Variants in COG6 observed in about 807,000 individuals in gnomAD.
The protein encoded by COG6 is conserved oligomeric Golgi complex subunit 6.
COG6 carries 74 observed loss-of-function variants against 88.8 expected under a neutral mutation model. That is an observed-to-expected ratio of 0.83 (90% CI 0.69 to 1.01). COG6 has a LOEUF of 1.01. Among genes scored for constraint, COG6 ranks in the 50% least tolerant of loss-of-function variants. The pLI is 0.00. For missense variants in COG6, 800 were observed against 797.9 expected (o/e 1.00, Z -0.03); for synonymous variants, 286 against 278.7 (o/e 1.03, Z -0.26).
intron 18 of COG6, among the ~76,000 whole-genome samples, chr13:39,730,987 G>C (rs577138699): frequency 3.5e-4 from 53 of 151,032 alleles, no homozygotes; most frequent in Non-Finnish European, 8.9e-5. Context: ...ACTCCTGGCT[G>C]ATTTTTGTAT....
chr13:39,722,695 T>C lies in COG6; in HGVS notation c.1585-638T>C, dbSNP rs1287979294. The stretch of plus-strand genomic sequence containing the variant: ...CCATCAAGGTAGTTCTCTTCTGTGG[T>C]TTTTATCTCCATTAGCATTAGTTGG... On this transcript the variant is annotated intron_variant, in intron 15 of 18. Transcript: ENST00000455146. 2.6e-5 allele frequency among the ~76,000 whole-genome samples: 4 copies of C among 151,778 alleles called. No individual in the cohort carries two copies. The East Asian group carries it at 7.7e-4, about 29-fold the overall frequency.
At chr13:39,693,257 T>G (rs1877083731) in intron 11 of COG6, among the ~76,000 whole-genome samples, 1 of 151,958 alleles carries the variant, frequency 6.6e-6, no homozygotes, top group Non-Finnish European at 1.5e-5. Flanking sequence ...TTGGAAATTG[T>G]TTTTGTTTTT....
intron 4 of COG6, among the ~76,000 whole-genome samples, chr13:39,672,409 C>T (rs1875705288): frequency 1.3e-5 from 2 of 151,914 alleles, no homozygotes; most frequent in Non-Finnish European, 2.9e-5. Flanking sequence ...AAAGAAAACT[C>T]CTGACCATTA....
intron 17 of COG6, among the ~76,000 whole-genome samples, chr13:39,726,517 T>C (rs961653509): frequency 1.2e-4 from 18 of 151,982 alleles, no homozygotes; most frequent in Non-Finnish European, 1.9e-4. Context: ...TTCACCTTGA[T>C]TGCCCCTATA....
At chr13:39,697,311 T>TC (rs950820267) in intron 12 of COG6, among the ~76,000 whole-genome samples, 14 of 151,682 alleles carry the variant, frequency 9.2e-5, no homozygotes, top group African/African-American at 3.4e-4. Context: ...CCTGGGAAAC[T>TC]CCAATATTTT....
At chr13:39,720,247 A>G (rs1445501057) in intron 15 of COG6, among the ~76,000 whole-genome samples, 1 of 152,094 alleles carries the variant, frequency 6.6e-6, no homozygotes, top group East Asian at 1.9e-4. Flanking sequence ...ATATATTTTT[A>G]TCTATGTGTA....
Position 39,751,185 on chromosome 13 carries a change from A to G in COG6, c.*92A>G. On this transcript the variant is annotated 3_prime_UTR_variant, in exon 19 of 19. Coordinates refer to ENST00000455146, the MANE Select transcript of COG6 (RefSeq NM_020751.3). ...TTGAATTTTTACTCTATAATTTGAT[A>G]GTTACAGTTTTCTTTGTATCATAAG... The G allele has an allele frequency of 6.5e-7, 1 of 1,547,082 alleles. No individual in the cohort carries two copies. The highest frequency in any genetic ancestry group is 8.7e-7 in the Non-Finnish European group (1 of 1,145,558).
rs888350192 is a variant in COG6, at chr13:39,702,544, C to G, written c.1284+2926C>G. ...ATTGGGGAAAATCTTAATATTAAAA[C>G]AAGTCATTGATGAATACTTCCTTAA... On this transcript the variant is annotated intron_variant, in intron 13 of 18. Coordinates refer to ENST00000455146, the MANE Select transcript of COG6 (RefSeq NM_020751.3). 7.7e-4 allele frequency among the ~76,000 whole-genome samples: 117 copies of G among 151,808 alleles called. 1 individual carries two copies. The highest frequency in any genetic ancestry group is 2.7e-3 in the African/African-American group (110 of 41,346).
intron 5 of COG6, among the ~76,000 whole-genome samples, chr13:39,678,370 A>AGG (rs1876102878): frequency 6.6e-6 from 1 of 152,098 alleles, no homozygotes; most frequent in African/African-American, 2.4e-5. Context: ...CATAGTACCT[A>AGG]CCCACACATT....
rs79772250 is a variant in COG6, at chr13:39,701,908, G to T, written c.1284+2290G>T. 1.6e-3 allele frequency among the ~76,000 whole-genome samples: 248 copies of T among 152,112 alleles called. 1 individual carries two copies. In the East Asian group the frequency reaches 0.039, roughly 24 times the overall value. ...ATGGAAAGGATGGAATTAAATTTCC[G>T]TGACAAATTAGAAAACAAAAGCAGA... On this transcript the variant is annotated intron_variant, in intron 13 of 18. Transcript: ENST00000455146.
rs184593985 is a variant in COG6 at position 39,770,738 on chromosome 13, G to C, written c.1827-17597G>C. 3.5e-3 allele frequency among the ~76,000 whole-genome samples: 536 copies of C among 152,306 alleles called. 5 individuals are homozygous for C. The highest frequency in any genetic ancestry group is 0.012 in the African/African-American group (504 of 41,558). ...GTTCACTGTCAAATTTGCTTAAAGA[G>C]GAATGGTGCAAGAATTAATTGTGAA... On this transcript the variant is annotated intron_variant, in intron 18 of 18. Transcript: ENST00000416691.
chr13:39,763,060 A>G (rs1344913118), intron 18 of COG6, among the ~76,000 whole-genome samples: 2 of 151,604 alleles, frequency 1.3e-5, no homozygotes, highest in African/African-American at 4.8e-5. Context: ...TTTCTCCTTT[A>G]TTTGTTAATG....
chr13:39,746,710 A>C (rs1252894398), intron 18 of COG6, among the ~76,000 whole-genome samples: 1 of 152,230 alleles, frequency 6.6e-6, no homozygotes, highest in Non-Finnish European at 1.5e-5. Context: ...CAGATAGATC[A>C]GTTGATTGAT....
chr13:39,687,334 T>TA (rs1399156391), intron 8 of COG6, among the ~76,000 whole-genome samples, 169 bp from the exon 9 acceptor site: 3 of 152,130 alleles, frequency 2.0e-5, no homozygotes, highest in Non-Finnish European at 4.4e-5. Context: ...GAGCTGAAGT[T>TA]ATCTCTTAAA....
chr13:39,707,773 C>G (rs1878025817), intron 13 of COG6, among the ~76,000 whole-genome samples: 1 of 151,930 alleles, frequency 6.6e-6, no homozygotes. Context: ...ATATATTCAC[C>G]ACAATTTACT....
intron 18 of COG6, among the ~76,000 whole-genome samples, chr13:39,777,973 G>C (rs553965147): frequency 1.3e-5 from 2 of 152,120 alleles, no homozygotes; most frequent in Non-Finnish European, 2.9e-5. Flanking sequence ...CAGTGCCATG[G>C]GCATTAACAT....
intron 18 of COG6, among the ~76,000 whole-genome samples, chr13:39,758,849 A>G (rs1419375620): frequency 6.6e-6 from 1 of 152,214 alleles, no homozygotes; most frequent in Non-Finnish European, 1.5e-5. Flanking sequence ...TGAATGGATA[A>G]ACAAAATGTG....
At chr13:39,718,285 A>G (rs1359583426) in intron 13 of COG6, among the ~76,000 whole-genome samples, 3 of 152,132 alleles carry the variant, frequency 2.0e-5, no homozygotes, top group Non-Finnish European at 4.4e-5. Context: ...ACATGAAACC[A>G]TCTTATAATA....
intron 11 of COG6, among the ~76,000 whole-genome samples, chr13:39,691,722 T>A (rs1037762949): frequency 6.6e-6 from 1 of 151,942 alleles, no homozygotes; most frequent in African/African-American, 2.4e-5. Context: ...ATGTTTTCAG[T>A]GAGATAGTTG....
Sources: gnomAD v4.1 joint callset for allele counts (sites outside exome capture counted in the v4.1 genomes callset) on GRCh38, gnomAD v4.1.1 for gene constraint, MANE v1.5 for transcripts, NCBI Gene and HGNC (gene_info 2026-07-23, HGNC 2026-07-21) for gene names.